Variants in SH3PXD2B observed in about 807,000 individuals in gnomAD.
SH3PXD2B encodes the protein SH3 and PX domains 2B, also known as SH3 and PX domain-containing protein 2B.
A neutral mutation model predicts 73.1 loss-of-function variants in SH3PXD2B; 37 were observed. That is an observed-to-expected ratio of 0.51 (90% CI 0.39 to 0.67). The LOEUF is 0.67. Ranked by LOEUF, SH3PXD2B falls within the 30% of genes least tolerant of loss-of-function variation. The pLI, the probability that SH3PXD2B is intolerant of heterozygous loss-of-function variation, is 0.00. For missense variants in SH3PXD2B, 1,053 were observed against 1,197.8 expected, an observed-to-expected ratio of 0.88 and a Z score of 1.78; for synonymous variants, 457 against 480.5, an observed-to-expected ratio of 0.95 and a Z score of 0.64.
At chr5:172,434,289 A>T (rs1561581061) in intron 1 of SH3PXD2B, among the ~76,000 whole-genome samples, 1 of 152,210 alleles carries the variant, frequency 6.6e-6, no homozygotes, top group African/African-American at 2.4e-5. Context: ...TTAAGCCAGT[A>T]TCAAGCTTAG....
At chr5:172,409,872 C>A (rs188454173) in intron 2 of SH3PXD2B, among the ~76,000 whole-genome samples, 2 of 152,190 alleles carry the variant, frequency 1.3e-5, no homozygotes, top group African/African-American at 4.8e-5. Flanking sequence ...TGGGTCACCA[C>A]ACCTGGCTAA....
At chr5:172,347,201 C>T (rs550184419) in intron 11 of SH3PXD2B, 82 bp downstream of exon 11, 8 of 1,369,932 alleles carry the variant, frequency 5.8e-6, no homozygotes, top group East Asian at 2.3e-5. Context: ...TCTGGAAGGG[C>T]GAGGGGTGTG....
intron 2 of SH3PXD2B, among the ~76,000 whole-genome samples, chr5:172,410,106 T>C (rs963414466): frequency 1.1e-4 from 16 of 152,248 alleles, no homozygotes; most frequent in African/African-American, 3.9e-4. Flanking sequence ...GCAATCAACA[T>C]GGGATGTATT....
chr5:172,348,638 GTA>G (rs1757055140), intron 10 of SH3PXD2B, among the ~76,000 whole-genome samples: 1 of 72,516 alleles, frequency 1.4e-5, no homozygotes, highest in African/African-American at 4.7e-5. Context: ...ATCTATCTAT[GTA>G]TCTATCTATC....
chr5:172,338,113 C>T lies in SH3PXD2B; in HGVS notation c.*256G>A. The T allele has an allele frequency of 7.1e-7, 1 of 1,400,906 alleles. No individual in the cohort carries two copies. Among genetic ancestry groups the T allele is most frequent in the Middle Eastern group, 2.7e-4 (1 of 3,728 alleles). The allele number at this position is 1,400,906 out of a possible 1,614,324, so 86.8% of individuals were successfully genotyped here. A position where few individuals can be genotyped will look rare whatever the true frequency, so the allele number is the denominator to read the frequency against. ...TTGGCCAGGAGGAGTTCTCTTAAGG[C>T]AGGGATGCTGACATGGACAGAAAGC... On this transcript the variant is annotated 3_prime_UTR_variant, in exon 13 of 13. Transcript: ENST00000311601. This position sits in a 1 kb window ranked among gnomAD's most constrained non-coding sequence, Gnocchi z 5.1.
chr5:172,330,345 AGGAT>A (rs1429909662), downstream of SH3PXD2B, among the ~76,000 whole-genome samples: 10 of 152,192 alleles, frequency 6.6e-5, no homozygotes, highest in African/African-American at 2.2e-4. Context: ...ATTTGGGTGA[AGGAT>A]GTGGCTAAGG....
At chr5:172,410,125 G>C (rs1758659277) in intron 2 of SH3PXD2B, among the ~76,000 whole-genome samples, 1 of 152,172 alleles carries the variant, frequency 6.6e-6, no homozygotes, top group African/African-American at 2.4e-5. Flanking sequence ...TTATCTCTTA[G>C]ATATACTGAT....
chr5:172,399,187 T>A (rs1758374370), intron 3 of SH3PXD2B, among the ~76,000 whole-genome samples: 1 of 152,204 alleles, frequency 6.6e-6, no homozygotes, highest in African/African-American at 2.4e-5. Flanking sequence ...ACAATCATTA[T>A]CCAAAGAACA....
At chr5:172,436,587 A>T (rs1759393974) in intron 1 of SH3PXD2B, among the ~76,000 whole-genome samples, 1 of 152,206 alleles carries the variant, frequency 6.6e-6, no homozygotes, top group Admixed American at 6.5e-5. Flanking sequence ...ACCAGAAGCC[A>T]GGGCTACCAT....
chr5:172,440,566 A>G (rs1759532937), intron 1 of SH3PXD2B, among the ~76,000 whole-genome samples: 1 of 152,328 alleles, frequency 6.6e-6, no homozygotes, highest in East Asian at 1.9e-4. Context: ...CAAAAATGTC[A>G]GAGCAGAAAA....
At chr5:172,331,119 C>T (rs1174350350), downstream of SH3PXD2B, among the ~76,000 whole-genome samples, 1 of 152,158 alleles carries the variant, frequency 6.6e-6, no homozygotes, top group African/African-American at 2.4e-5. Flanking sequence ...CGCTTGAACC[C>T]GGGAGGCAGA....
intron 2 of SH3PXD2B, among the ~76,000 whole-genome samples, chr5:172,415,827 C>T (rs1758805613): frequency 6.6e-6 from 1 of 152,192 alleles, no homozygotes; most frequent in Non-Finnish European, 1.5e-5. Flanking sequence ...GCTGGGTGAC[C>T]ATCCCAAGGC....
At chr5:172,403,358 G>C (rs1758477229) in intron 3 of SH3PXD2B, among the ~76,000 whole-genome samples, 1 of 152,188 alleles carries the variant, frequency 6.6e-6, no homozygotes. Flanking sequence ...CGGCAGTCTT[G>C]GCAGAAAACT....
chr5:172,452,997 T>C (rs1759832446), intron 1 of SH3PXD2B, among the ~76,000 whole-genome samples: 1 of 152,000 alleles, frequency 6.6e-6, no homozygotes, highest in Admixed American at 6.5e-5. Context: ...CCAATAACAA[T>C]ACAGACTCAC....
chr5:172,338,227 C>G lies in SH3PXD2B; in HGVS notation c.*142G>C. 3 of 1,550,282 alleles carry G rather than the reference C, an allele frequency of 1.9e-6. No homozygotes were observed. The highest frequency in any genetic ancestry group is 2.6e-6 in the Non-Finnish European group (3 of 1,149,572). On this transcript the variant is annotated 3_prime_UTR_variant, in exon 13 of 13. Coordinates refer to ENST00000311601, the MANE Select transcript of SH3PXD2B (RefSeq NM_001017995.3). This position sits in a 1 kb window ranked among gnomAD's most constrained non-coding sequence, Gnocchi z 5.1. Reference sequence around the variant, plus strand: ...CGAGGTGTCCGAAACTCACTCTCCACCCATGGGAGGCAAGAAGTCACAGTA... The same window carrying G: ...CGAGGTGTCCGAAACTCACTCTCCAGCCATGGGAGGCAAGAAGTCACAGTA...
At chr5:172,436,013 T>G (rs1759378327) in intron 1 of SH3PXD2B, among the ~76,000 whole-genome samples, 1 of 152,204 alleles carries the variant, frequency 6.6e-6, no homozygotes, top group African/African-American at 2.4e-5. Context: ...AATCCCTCCA[T>G]TTTACAAATG....
chr5:172,357,909 A>G (rs888794096), intron 8 of SH3PXD2B, among the ~76,000 whole-genome samples: 4 of 152,222 alleles, frequency 2.6e-5, no homozygotes, highest in African/African-American at 7.2e-5. Flanking sequence ...TTAACAGTCA[A>G]CTAAAAGCCA....
chr5:172,374,934 T>C (rs1464324734), intron 5 of SH3PXD2B, among the ~76,000 whole-genome samples: 1 of 152,190 alleles, frequency 6.6e-6, no homozygotes, highest in Non-Finnish European at 1.5e-5. Context: ...CTTATTCCCA[T>C]TTTACAGACG....
At position 172,445,852 on chromosome 5, in the gene SH3PXD2B, T is replaced by C. The variant is rs1018851350; in HGVS notation, c.75+8426A>G. Among the ~76,000 whole-genome samples the C allele has an allele frequency of 1.3e-5, 2 of 152,244 alleles. No homozygotes were observed. The highest frequency in any genetic ancestry group is 2.4e-5 in the African/African-American group (1 of 41,542). On this transcript the variant is annotated intron_variant, in intron 1 of 12. Coordinates refer to ENST00000311601, the MANE Select transcript of SH3PXD2B (RefSeq NM_001017995.3). The surrounding 1 kb of genome is among the most constrained non-coding windows in gnomAD (Gnocchi z 5.2). ...AGTCATGCCCGCCTGCAGGTGTGCA[T>C]CTGGGCCAGCAAATAAGGGAGGAGA...
Sources: gnomAD v4.1 joint callset for allele counts (sites outside exome capture counted in the v4.1 genomes callset) on GRCh38, gnomAD v4.1.1 for gene constraint, Gnocchi (gnomAD v3.1) non-coding constraint, MANE v1.5 for transcripts, NCBI Gene and HGNC (gene_info 2026-07-23, HGNC 2026-07-21) for gene names.